Variants in SNX7 observed in about 807,000 individuals in gnomAD.
SNX7 encodes sorting nexin 7.
Under a neutral mutation model 48.4 loss-of-function variants are expected in SNX7, and 35 were observed. The ratio of observed to expected loss-of-function variants is 0.72; its 90% CI spans 0.55 to 0.96. The LOEUF is 0.96. Among genes scored for constraint, SNX7 ranks in the 40% least tolerant of loss-of-function variants. SNX7 has a pLI of 0.00. For synonymous variants in SNX7, 190 were observed against 190.2 expected (o/e 1.00, Z 0.01); for missense variants, 553 against 548.9 (o/e 1.01, Z -0.07).
intron 7 of SNX7, among the ~76,000 whole-genome samples, chr1:98,712,831 C>T (rs1652383368): frequency 6.6e-6 from 1 of 152,188 alleles, no homozygotes; most frequent in Non-Finnish European, 1.5e-5. Context: ...GTGGCTCACA[C>T]CTGTAATCCC....
At chr1:98,723,928 TA>T (rs1455117100) in intron 7 of SNX7, among the ~76,000 whole-genome samples, 5 of 150,562 alleles carry the variant, frequency 3.3e-5, no homozygotes, top group Non-Finnish European at 5.9e-5. Context: ...ATTCAATAAT[TA>T]GACTTCATAT....
At chr1:98,748,021 G>C (rs974736575) in intron 8 of SNX7, among the ~76,000 whole-genome samples, 2 of 143,288 alleles carry the variant, frequency 1.4e-5, no homozygotes, top group African/African-American at 5.2e-5. Context: ...CTGTCGCCCA[G>C]GCTGGAGTGC....
chr1:98,665,737 C>A (rs535589374), intron 1 of SNX7, among the ~76,000 whole-genome samples: 11 of 151,898 alleles, frequency 7.2e-5, no homozygotes, highest in Admixed American at 7.2e-4. Flanking sequence ...TACAGGCATG[C>A]GCCACCATGC....
intron 2 of SNX7, among the ~76,000 whole-genome samples, chr1:98,689,918 A>T (rs1164879261): frequency 6.6e-6 from 1 of 152,098 alleles, no homozygotes; most frequent in East Asian, 1.9e-4. Context: ...AGTTTCTTAG[A>T]TTTCTGCATT....
chr1:98,753,810 T>G (rs12026457), intron 8 of SNX7, among the ~76,000 whole-genome samples: 67,340 of 151,834 alleles, frequency 0.44, 15,853 homozygotes, highest in Non-Finnish European at 0.52. Flanking sequence ...AGTTAATAGT[T>G]TTCTGTTTTA....
chr1:98,736,944 G>A (rs142714217), intron 7 of SNX7, among the ~76,000 whole-genome samples: 140 of 152,188 alleles, frequency 9.2e-4, no homozygotes, highest in African/African-American at 3.2e-3. Flanking sequence ...TAAGAGAGAT[G>A]ATGTCATTTT....
intron 7 of SNX7, among the ~76,000 whole-genome samples, chr1:98,713,805 A>G (rs1652444629): frequency 6.6e-6 from 1 of 152,202 alleles, no homozygotes; most frequent in Non-Finnish European, 1.5e-5. Flanking sequence ...TAGATTCACT[A>G]CTTTATATGG....
intron 5 of SNX7, among the ~76,000 whole-genome samples, 173 bp downstream of exon 5, chr1:98,695,889 G>A (rs1651429903): frequency 6.6e-6 from 1 of 152,100 alleles, no homozygotes; most frequent in Non-Finnish European, 1.5e-5. Flanking sequence ...GGTAGTTATG[G>A]CCAGTCTCCA....
chr1:98,718,795 T>C (rs986746975), intron 7 of SNX7, among the ~76,000 whole-genome samples: 3 of 152,142 alleles, frequency 2.0e-5, no homozygotes, highest in Non-Finnish European at 4.4e-5. Context: ...ACTTTTTAAT[T>C]CGTGTGGTAA....
chr1:98,721,284 A>G (rs910397861), intron 7 of SNX7, among the ~76,000 whole-genome samples: 1 of 152,116 alleles, frequency 6.6e-6, no homozygotes, highest in Non-Finnish European at 1.5e-5. Flanking sequence ...GATCCTAAGC[A>G]TTTTGGATAA....
intron 1 of SNX7, among the ~76,000 whole-genome samples, chr1:98,680,963 G>GC (rs1235810146): frequency 1.3e-5 from 2 of 152,088 alleles, no homozygotes; most frequent in African/African-American, 4.8e-5. Flanking sequence ...TTTCAGCAGT[G>GC]CCCCACTCTT....
intron 8 of SNX7, among the ~76,000 whole-genome samples, chr1:98,757,063 C>T (rs1367991822): frequency 6.6e-6 from 1 of 152,050 alleles, no homozygotes; most frequent in Admixed American, 6.6e-5. Context: ...CCTGCATACG[C>T]CATGCGGCAT....
intron 4 of SNX7, among the ~76,000 whole-genome samples, chr1:98,693,050 G>A (rs1214205539): frequency 2.0e-5 from 3 of 151,988 alleles, no homozygotes; most frequent in African/African-American, 7.3e-5. Flanking sequence ...AAGTCCACAT[G>A]TGTGGACCTG....
chr1:98,670,798 T>C (rs1649812954), intron 1 of SNX7, among the ~76,000 whole-genome samples: 1 of 152,018 alleles, frequency 6.6e-6, no homozygotes, highest in African/African-American at 2.4e-5. Context: ...GGATGTTGTA[T>C]AAACAAAGAA....
chr1:98,703,638 CTCTT>C (rs1557809391), intron 7 of SNX7, among the ~76,000 whole-genome samples: 1 of 151,254 alleles, frequency 6.6e-6, no homozygotes, highest in South Asian at 2.1e-4. Context: ...ACTCCTAACA[CTCTT>C]TCTATATATA....
intron 7 of SNX7, among the ~76,000 whole-genome samples, chr1:98,725,482 T>A (rs943653330): frequency 4.6e-5 from 7 of 152,160 alleles, no homozygotes; most frequent in Non-Finnish European, 8.8e-5. Flanking sequence ...GTATGGTACT[T>A]GGCATGAAGT....
At chr1:98,746,544 T>C (rs1319454320) in intron 8 of SNX7, among the ~76,000 whole-genome samples, 1 of 152,130 alleles carries the variant, frequency 6.6e-6, no homozygotes, top group Non-Finnish European at 1.5e-5. Flanking sequence ...TTGTCTGAAA[T>C]GTTCTCTAGA....
intron 1 of SNX7, among the ~76,000 whole-genome samples, chr1:98,680,757 C>T (rs936381995): frequency 1.3e-5 from 2 of 152,166 alleles, no homozygotes; most frequent in African/African-American, 4.8e-5. Context: ...ACAAGTTCCT[C>T]ATCTCCATCT....
intron 1 of SNX7, among the ~76,000 whole-genome samples, chr1:98,674,867 C>T (rs188344880): frequency 2.6e-5 from 4 of 152,326 alleles, no homozygotes; most frequent in South Asian, 2.1e-4. Flanking sequence ...ATGAAACTCA[C>T]TCAAATCTCA....
Sources: gnomAD v4.1 joint callset for allele counts (sites outside exome capture counted in the v4.1 genomes callset) on GRCh38, gnomAD v4.1.1 for gene constraint, MANE v1.5 for transcripts, NCBI Gene and HGNC (gene_info 2026-07-23, HGNC 2026-07-21) for gene names.